LILRB3: variants seen among roughly 807,000 people sequenced by gnomAD.
The protein encoded by LILRB3 is leukocyte immunoglobulin-like receptor subfamily B member 3.
In LILRB3, 32 loss-of-function variants were observed where a neutral mutation model predicts 68.2. The observed-to-expected ratio is 0.47, with a 90% CI of 0.35 to 0.63. The LOEUF (loss-of-function observed/expected upper bound fraction) is 0.63. LILRB3 is among the 30% of genes least tolerant of loss of function. LILRB3 has a pLI of 0.00. For synonymous variants in LILRB3, 185 were observed against 323.1 expected, an observed-to-expected ratio of 0.57 and a Z score of 4.58; for missense variants, 502 against 791.3, an observed-to-expected ratio of 0.63 and a Z score of 4.39.
chr19:54,217,859 ACT>A (rs1319545396), intron 11 of LILRB3, among the ~76,000 whole-genome samples: 4 of 151,128 alleles, frequency 2.6e-5, no homozygotes, highest in Admixed American at 6.6e-5. Context: ...ACTGCCCCAC[ACT>A]CTCTGCCCTT....
rs1327000283 is a variant in LILRB3 at position 54,217,272 on chromosome 19, TGGTGGG to T, written c.1750-39_1750-34del. 2 of 1,412,652 alleles carry T rather than the reference TGGTGGG, an allele frequency of 1.4e-6. 1 individual carries two copies. The highest frequency in any genetic ancestry group is 3.9e-5 in the African/African-American group (2 of 51,128). 87.5% of individuals were successfully genotyped at this position (1,412,652 alleles called of 1,614,324 possible). A position where few individuals can be genotyped will look rare whatever the true frequency, so the allele number is the denominator to read the frequency against. ...GGGGGAGAGTGAGAGGTAAGGAACG[TGGTGGG>T]GGTGGGGGAGGCCTGGGGGCCTGGA... On this transcript the variant is annotated intron_variant, in intron 12 of 12. Coordinates refer to ENST00000445347, the Ensembl canonical transcript of LILRB3.
exon 4 of LILRB3, chr19:54,221,922 G>A (rs1299651189): frequency 3.2e-6 from 5 of 1,577,906 alleles, no homozygotes; most frequent in South Asian, 1.1e-5. Context: ...ACCTGTGGCT[G>A]GGGGTCACGG....
chr19:54,222,688 T>G, intron 2 of LILRB3, 59 bp downstream of exon 2: 2 of 1,612,460 alleles, frequency 1.2e-6, no homozygotes, highest in Middle Eastern at 1.7e-4. Context: ...CAGCTGCCCA[T>G]GGGTGGCCCC....
chr19:54,217,663 C>T (rs1470271659), intron 11 of LILRB3, 189 bp from the exon 12 acceptor site: 3 of 998,270 alleles, frequency 3.0e-6, no homozygotes, highest in Non-Finnish European at 4.3e-6. Flanking sequence ...TCACTCTGAC[C>T]TTGCCCATTT....
At chr19:54,219,399 C>G (rs1343858358) in intron 7 of LILRB3, 154 bp from the exon 8 acceptor site, 1 of 1,466,938 alleles carries the variant, frequency 6.8e-7, no homozygotes, top group Non-Finnish European at 9.3e-7. Context: ...TTCACAGATG[C>G]ACAAACTGAG....
exon 8 of LILRB3, chr19:54,219,162 G>GGAGGAGGAA: frequency 6.3e-7 from 1 of 1,599,096 alleles, no homozygotes; most frequent in South Asian, 1.1e-5. Context: ...CGCTGACGGA[G>GGAGGAGGAA]GAGGAGGAGG....
At chr19:54,216,657 TTTACA>T in exon 13 of LILRB3, 1 of 1,035,734 alleles carries the variant, frequency 9.7e-7, no homozygotes, top group South Asian at 3.7e-5. Flanking sequence ...ATGTATAATA[TTTACA>T]TTATCATTCA....
exon 13 of LILRB3, chr19:54,216,803 C>A (rs1299281795): frequency 1.6e-6 from 2 of 1,290,196 alleles, no homozygotes; most frequent in East Asian, 3.1e-5. Context: ...AGGAATCCTC[C>A]CCACTCAGCC....
rs769121548 is a variant in LILRB3 at position 54,220,235 on chromosome 19, G to A, written c.1259-30C>T. ...AAGGAGCACGGGAGGCGGGTGAGGG[G>A]CGGGGGCCGTCCATGGAGTGCACCC... On this transcript the variant is annotated intron_variant, in intron 6 of 12. Transcript: ENST00000445347. The A allele has an allele frequency of 3.6e-5, 49 of 1,353,392 alleles. 2 individuals are homozygous for A. Among genetic ancestry groups the A allele is most frequent in the South Asian group, 1.9e-4 (14 of 72,354 alleles). The allele number at this position is 1,353,392 out of a possible 1,614,324, so 83.8% of individuals were successfully genotyped here.
chr19:54,216,702 G>T, exon 13 of LILRB3: 4 of 1,014,288 alleles, frequency 3.9e-6, no homozygotes, highest in Non-Finnish European at 4.8e-6. Flanking sequence ...TTTTTTTTTA[G>T]AGACAAGGTC....
At chr19:54,219,036 C>G (rs2077784236) in intron 8 of LILRB3, 93 bp downstream of exon 8, 4 of 1,533,110 alleles carry the variant, frequency 2.6e-6, no homozygotes, top group Non-Finnish European at 3.5e-6. Context: ...AACCGGTTTT[C>G]TAAACTGACA....
At chr19:54,219,815 C>A (rs1209228130) in intron 7 of LILRB3, 8 of 1,527,724 alleles carry the variant, frequency 5.2e-6, no homozygotes, top group South Asian at 2.4e-5. Context: ...GGACAGAACC[C>A]ACCCCTGCCT....
chr19:54,220,472 G>A (rs1384292284), intron 6 of LILRB3, 56 bp downstream of exon 6: 1 of 1,261,174 alleles, frequency 7.9e-7, no homozygotes, highest in Non-Finnish European at 1.1e-6. Context: ...CTCTCCTGGG[G>A]GCCTGGGCCG....
At chr19:54,222,632 T>A (rs1378800242) in intron 2 of LILRB3, 70 bp from the exon 3 acceptor site, 1 of 1,611,670 alleles carries the variant, frequency 6.2e-7, no homozygotes, top group Admixed American at 1.7e-5. Flanking sequence ...GCCCCAGGAC[T>A]TCCCCATCAT....
Position 54,220,153 on chromosome 19 carries a change from A to C in LILRB3, c.1309+2T>G, listed in dbSNP as rs2077987962. On this transcript the variant is annotated splice_donor_variant, in intron 7 of 12. Transcript: ENST00000445347. LOFTEE classifies it high-confidence loss of function. ...GCTCCCCAAGAGGCCTCAGTGACTC[A>C]CCAGGTGTGGAGGGCGGCCCTGTGG... The C allele has an allele frequency of 6.6e-7, 1 of 1,505,462 alleles. No homozygotes were observed. The highest frequency in any genetic ancestry group is 9.0e-7 in the Non-Finnish European group (1 of 1,115,582). The allele number at this position is 1,505,462 out of a possible 1,614,324, so 93.3% of individuals were successfully genotyped here. A position where few individuals can be genotyped will look rare whatever the true frequency, so the allele number is the denominator to read the frequency against.
chr19:54,221,918 G>A (rs1482603888), exon 4 of LILRB3: 2 of 1,575,524 alleles, frequency 1.3e-6, no homozygotes, highest in Non-Finnish European at 1.7e-6. Context: ...CTCCACCTGT[G>A]GCTGGGGGTC....
chr19:54,220,684 G>C, exon 6 of LILRB3: 1 of 1,541,328 alleles, frequency 6.5e-7, no homozygotes, highest in South Asian at 1.1e-5. Flanking sequence ...ATTGATCTCA[G>C]ACGCAGTGGG....
exon 9 of LILRB3, chr19:54,218,768 C>G (rs781744777): frequency 1.8e-5 from 29 of 1,613,994 alleles, no homozygotes; most frequent in Non-Finnish European, 2.1e-5. Flanking sequence ...ATTACCTCCT[C>G]AGCAGGCCCC....
exon 13 of LILRB3, chr19:54,217,211 A>G (rs1423604071): frequency 6.2e-7 from 1 of 1,609,696 alleles, no homozygotes; most frequent in East Asian, 2.2e-5. Context: ...GGCGTAGGTC[A>G]CATCCTGGGA....
Sources: gnomAD v4.1 joint callset for allele counts (sites outside exome capture counted in the v4.1 genomes callset) on GRCh38, gnomAD v4.1.1 for gene constraint, MANE v1.5 for transcripts, NCBI Gene and HGNC (gene_info 2026-07-23, HGNC 2026-07-21) for gene names.